QTMAN: variants seen among roughly 807,000 people sequenced by gnomAD.
The protein encoded by QTMAN is queuosine-tRNA mannosyltransferase, also known as tRNA-queuosine alpha-mannosyltransferase.
At chr2:144,166,298 C>T in the QTMAN span, among the ~76,000 whole-genome samples, 6,935 of 152,264 alleles carry the variant, frequency 0.046, 526 homozygotes, top group African/African-American at 0.16. Context: ...ATTTAAGAAT[C>T]GGTTGTCATT....
At chr2:144,167,109 C>T in the QTMAN span, among the ~76,000 whole-genome samples, 1 of 152,166 alleles carries the variant, frequency 6.6e-6, no homozygotes, top group Non-Finnish European at 1.5e-5. Context: ...ATTCAGTATG[C>T]TCTCATTCCC....
the QTMAN span, among the ~76,000 whole-genome samples, chr2:144,200,850 T>G: frequency 6.6e-6 from 1 of 152,218 alleles, no homozygotes; most frequent in African/African-American, 2.4e-5. Context: ...GACTTGTTTC[T>G]GTGTTTCTAT....
chr2:144,165,421 C>G, the QTMAN span, among the ~76,000 whole-genome samples: 1 of 151,838 alleles, frequency 6.6e-6, no homozygotes, highest in African/African-American at 2.4e-5. Context: ...ATAGGCAAGG[C>G]TAAGCAGAGT....
the QTMAN span, among the ~76,000 whole-genome samples, chr2:144,243,375 G>GT: frequency 6.6e-6 from 1 of 152,152 alleles, no homozygotes; most frequent in African/African-American, 2.4e-5. Context: ...TAAGATGCAT[G>GT]TATGTATGGC....
chr2:144,176,293 T>C, the QTMAN span, among the ~76,000 whole-genome samples: 2 of 152,182 alleles, frequency 1.3e-5, no homozygotes, highest in African/African-American at 4.8e-5. Flanking sequence ...TTTAACCAAA[T>C]GTAACAGCTA....
At chr2:144,072,304 C>T in the QTMAN span, among the ~76,000 whole-genome samples, 1 of 152,144 alleles carries the variant, frequency 6.6e-6, no homozygotes, top group African/African-American at 2.4e-5. Context: ...TTTGGTTTCA[C>T]TGTAGCAAAT....
the QTMAN span, among the ~76,000 whole-genome samples, chr2:144,149,269 T>G: frequency 1.3e-5 from 2 of 152,054 alleles, no homozygotes; most frequent in East Asian, 3.9e-4. Flanking sequence ...CAAAAACCAC[T>G]AGGAACAAGA....
the QTMAN span, among the ~76,000 whole-genome samples, chr2:144,170,776 C>T: frequency 6.6e-6 from 1 of 152,086 alleles, no homozygotes; most frequent in Non-Finnish European, 1.5e-5. Context: ...AGGACAAATA[C>T]ATACAGTGTG....
chr2:144,228,883 G>C, the QTMAN span, among the ~76,000 whole-genome samples: 2 of 152,112 alleles, frequency 1.3e-5, no homozygotes, highest in Non-Finnish European at 2.9e-5. Flanking sequence ...GCTTGAACCC[G>C]GGAGGCGGAG....
chr2:144,280,941 G>A, the QTMAN span, among the ~76,000 whole-genome samples: 1 of 151,382 alleles, frequency 6.6e-6, no homozygotes, highest in Admixed American at 6.6e-5. Flanking sequence ...AAGTTTTAGG[G>A]TACATGTGCA....
chr2:144,145,512 A>C, the QTMAN span: 10 of 1,256,710 alleles, frequency 8.0e-6, no homozygotes, highest in Non-Finnish European at 1.1e-5. Flanking sequence ...TTTAAAACGT[A>C]ACCACCTACA....
At chr2:144,159,147 A>T in the QTMAN span, among the ~76,000 whole-genome samples, 2 of 152,082 alleles carry the variant, frequency 1.3e-5, no homozygotes, top group Non-Finnish European at 2.9e-5. Context: ...AATCAAGACA[A>T]GAACAGGTGA....
the QTMAN span, among the ~76,000 whole-genome samples, chr2:144,095,827 T>C: frequency 6.6e-6 from 1 of 152,184 alleles, no homozygotes; most frequent in Non-Finnish European, 1.5e-5. Context: ...AATGCTTTAT[T>C]AATATTAAAG....
At chr2:144,200,031 C>T in the QTMAN span, among the ~76,000 whole-genome samples, 2 of 151,878 alleles carry the variant, frequency 1.3e-5, no homozygotes, top group South Asian at 4.1e-4. Context: ...TGTATATATA[C>T]AATTTAAAAT....
At chr2:143,944,787 T>C in the QTMAN span, 1 of 152,194 alleles carries the variant, frequency 6.6e-6, no homozygotes, top group Non-Finnish European at 1.5e-5. Context: ...CCACAGCTAA[T>C]GGCAAAATTT....
the QTMAN span, chr2:144,145,481 G>A: frequency 5.9e-6 from 5 of 850,578 alleles, 1 homozygote; most frequent in Middle Eastern, 3.1e-4. Context: ...AAAAAAAGGT[G>A]TACAATAGTA....
chr2:144,108,384 A>G, the QTMAN span, among the ~76,000 whole-genome samples: 8 of 152,346 alleles, frequency 5.3e-5, no homozygotes, highest in African/African-American at 1.9e-4. Context: ...TCATGCCTGT[A>G]ATCCCAGCAC....
the QTMAN span, among the ~76,000 whole-genome samples, chr2:143,960,912 T>C: frequency 6.6e-6 from 1 of 152,086 alleles, no homozygotes; most frequent in Non-Finnish European, 1.5e-5. Context: ...CTAAGTAAAA[T>C]CCCCTTGCGG....
the QTMAN span, among the ~76,000 whole-genome samples, chr2:144,116,356 G>T: frequency 6.6e-6 from 1 of 152,010 alleles, no homozygotes; most frequent in Admixed American, 6.6e-5. Flanking sequence ...GCATGTGTGT[G>T]TGTGTGTGGT....
Sources: allele counts gnomAD v4.1 joint callset (sites outside exome capture counted in the v4.1 genomes callset), GRCh38; gene constraint gnomAD v4.1.1; transcripts MANE v1.5; gene names NCBI Gene and HGNC (gene_info 2026-07-23, HGNC 2026-07-21).